ASPM: variants seen among roughly 807,000 people sequenced by gnomAD.
ASPM encodes assembly factor for spindle microtubules, also known as abnormal spindle-like microcephaly-associated protein.
A neutral mutation model predicts 366.4 loss-of-function variants in ASPM; 256 were observed. The ratio of observed to expected loss-of-function variants is 0.70; its 90% CI spans 0.63 to 0.77. The LOEUF (loss-of-function observed/expected upper bound fraction) is 0.77. Ranked by LOEUF, ASPM falls within the 30% of genes least tolerant of loss-of-function variation. The pLI is 0.00. For synonymous variants in ASPM, 1,414 were observed against 1,342.9 expected (o/e 1.05, Z -1.16); for missense variants, 4,146 against 4,090.4 (o/e 1.01, Z -0.37).
At chr1:197,090,801 T>C (rs751806531) in intron 23 of ASPM, 49 bp downstream of exon 23, 39 of 1,532,396 alleles carry the variant, frequency 2.5e-5, no homozygotes, top group Non-Finnish European at 3.3e-5. Flanking sequence ...ATCATGTAGA[T>C]GAATTGCAAA....
intron 17 of ASPM, among the ~76,000 whole-genome samples, chr1:197,110,424 C>T (rs1401794939): frequency 6.6e-6 from 1 of 151,982 alleles, no homozygotes; most frequent in Non-Finnish European, 1.5e-5. Flanking sequence ...ACACAAAATA[C>T]ATCATAGGTC....
Position 197,145,791 on chromosome 1 carries a change from C to T in ASPM, c.297+350G>A, listed in dbSNP as rs190024911. On this transcript the variant is annotated intron_variant, in intron 1 of 27. Transcript: ENST00000367409. ...CTCCTAAAGATGCTAAGTGCGCGCG[C>T]GTTTATGTGTTGTCCCCGCCCAAGT... 2.0e-5 allele frequency among the ~76,000 whole-genome samples: 3 copies of T among 151,642 alleles called. No homozygotes were observed. In the East Asian group the frequency reaches 5.8e-4, roughly 29 times the overall value.
chr1:197,124,173 A>G lies in ASPM; in HGVS notation c.3327T>C (p.Tyr1109=). ...GKRDSGSFEQ[Y]SENIKLLMDW... Reference sequence around the variant, plus strand: ...CCATCAATAACTTTATGTTTTCACTATATTGTTCAAAGGAACCACTATCCC... The same window carrying G: ...CCATCAATAACTTTATGTTTTCACTGTATTGTTCAAAGGAACCACTATCCC... Residue 1109 remains tyrosine (Y), a synonymous_variant, in exon 13 of 28, where the codon TAT becomes TAC. Transcript: ENST00000367409. 2 of 1,612,860 alleles carry G rather than the reference A, an allele frequency of 1.2e-6. No homozygotes were observed. The highest frequency in any genetic ancestry group is 8.5e-7 in the Non-Finnish European group (1 of 1,179,246).
chr1:197,093,982 C>G (rs1348601264), intron 20 of ASPM, 102 bp downstream of exon 20: 1 of 780,566 alleles, frequency 1.3e-6, no homozygotes, highest in Non-Finnish European at 2.0e-6. Flanking sequence ...CACTTTTTTT[C>G]CAGCGAAGGA....
chr1:197,105,045 C>A lies in ASPM; in HGVS notation c.4206G>T (p.Arg1402Ser). ...TTCTTCTTAAATAAGCACGCCAATG[C>A]CTCTGAATTGTAACTGTAGCCCAAA... The part of the protein sequence containing the change: ...RYLWATVTIQ[R>S]HWRAYLRRKQ... The change falls in exon 18 of 28, where the codon AGG (arginine) becomes AGT (serine). Residue 1402 changes from arginine (R) to serine (S), a missense_variant. Physicochemically the swap from Arg to Ser is moderately radical, Grantham distance 110. Around this residue, in one of 3 missense-constraint regions of ASPM, gnomAD observed 3,624 missense variants for 3,591.7 expected, o/e 1.01. Transcript: ENST00000367409. 6.2e-7 allele frequency: 1 copy of A among 1,610,324 alleles called. No homozygotes were observed. Among genetic ancestry groups the A allele is most frequent in the Non-Finnish European group, 8.5e-7 (1 of 1,177,808 alleles).
intron 21 of ASPM, among the ~76,000 whole-genome samples, chr1:197,092,806 A>G (rs1218219687): frequency 2.6e-5 from 4 of 151,914 alleles, no homozygotes; most frequent in East Asian, 3.9e-4. Context: ...GATTCATTAC[A>G]AAAGAGAAAT....
At chr1:197,129,138 A>C in intron 9 of ASPM, 49 bp downstream of exon 9, 1 of 1,585,020 alleles carries the variant, frequency 6.3e-7, no homozygotes. Flanking sequence ...AGCAAGCAAA[A>C]GTCGTAAATG....
At chr1:197,099,490 C>T (rs1657087265) in intron 18 of ASPM, among the ~76,000 whole-genome samples, 2 of 151,576 alleles carry the variant, frequency 1.3e-5, no homozygotes, top group Admixed American at 1.3e-4. Flanking sequence ...TGTAACATTT[C>T]AACTTAAATG....
intron 18 of ASPM, among the ~76,000 whole-genome samples, chr1:197,099,027 C>T (rs1358476345): frequency 6.6e-6 from 1 of 151,580 alleles, no homozygotes. Flanking sequence ...GGGAGTAACT[C>T]TGCTGAGTTA....
At chr1:197,097,610 A>C (rs1205023093) in intron 18 of ASPM, among the ~76,000 whole-genome samples, 1 of 151,738 alleles carries the variant, frequency 6.6e-6, no homozygotes, top group Admixed American at 6.6e-5. Context: ...TTCAGACTAT[A>C]TTGTATACGG....
intron 10 of ASPM, among the ~76,000 whole-genome samples, chr1:197,126,554 A>AATTC (rs1055903652): frequency 2.3e-4 from 35 of 152,098 alleles, no homozygotes; most frequent in African/African-American, 8.5e-4. Context: ...GTATAAAAAC[A>AATTC]ATTCCTATTG....
chr1:197,095,901 T>C (rs1372949353), intron 19 of ASPM, 97 bp downstream of exon 19: 3 of 1,130,310 alleles, frequency 2.7e-6, no homozygotes, highest in Non-Finnish European at 3.8e-6. Context: ...ATAACAAATA[T>C]TTAAAATAAA....
intron 1 of ASPM, 52 bp from the exon 2 acceptor site, chr1:197,144,152 C>A: frequency 7.8e-7 from 1 of 1,289,970 alleles, no homozygotes; most frequent in Non-Finnish European, 1.1e-6. Flanking sequence ...ACATAATAAC[C>A]AAAACACCTT....
rs773349712 is a variant in ASPM, at chr1:197,100,553, T to C, written c.8698A>G (p.Lys2900Glu). 11 of 1,611,740 alleles carry C rather than the reference T, an allele frequency of 6.8e-6. No individual in the cohort carries two copies. Among genetic ancestry groups the C allele is most frequent in the East Asian group, 6.7e-5 (3 of 44,794 alleles). Residue 2900 changes from lysine (K) to glutamate (E), a missense_variant, in exon 18 of 28, where the codon AAA (lysine) becomes GAA (glutamate). This residue lies in a region of ASPM where 3,624 missense variants were observed against 3,591.7 expected (regional missense o/e 1.01). Coordinates refer to ENST00000367409, the MANE Select transcript of ASPM (RefSeq NM_018136.5). ...QNHYRAFLSA[K>E]HQRQVYLQIR... ...TGTAAATAGACTTGTCTTTGATGTT[T>C]TGCAGACAGAAATGCTCTGTAGTGA... is the stretch of plus-strand genomic sequence containing the variant.
Position 197,142,311 on chromosome 1 carries a change from A to AT in ASPM, c.1921+19dup, listed in dbSNP as rs1557964750. On this transcript the variant is annotated intron_variant, in intron 3 of 27. Transcript: ENST00000367409. ...CCCCTTTACAGGTATACTTCAGTAG[A>AT]TTTTATAAACAAGACTCACCAGTTT... 1 of 1,611,260 alleles carries AT rather than the reference A, an allele frequency of 6.2e-7. No homozygotes were observed. Among genetic ancestry groups the AT allele is most frequent in the Non-Finnish European group, 8.5e-7 (1 of 1,177,846 alleles).
intron 17 of ASPM, among the ~76,000 whole-genome samples, chr1:197,111,044 A>G (rs1230888546): frequency 6.6e-6 from 1 of 151,992 alleles, no homozygotes; most frequent in African/African-American, 2.4e-5. Flanking sequence ...AATTTATAAC[A>G]AAGTCCCCAA....
At position 197,104,018 on chromosome 1, in the gene ASPM, G is replaced by A. The variant is rs587783248; in HGVS notation, c.5233C>T (p.Arg1745Ter). The change falls in exon 18 of 28, where the codon CGA becomes TGA. Residue 1745 changes from arginine (R) to a stop codon, truncating the protein, a stop_gained. Coordinates refer to ENST00000367409, the MANE Select transcript of ASPM (RefSeq NM_018136.5). LOFTEE classifies it high-confidence loss of function. ...TTTCTTTGTAACCTCATCTGCTTTC[G>A]GACAAGGTATCCTCTAACAAATGCT... is the stretch of plus-strand genomic sequence containing the variant. ...LQAFVRGYLV[R>*]KQMRLQRKAV... 3.1e-6 allele frequency: 5 copies of A among 1,612,422 alleles called. No homozygotes were observed. Among genetic ancestry groups the A allele is most frequent in the Admixed American group, 1.7e-5 (1 of 59,840 alleles).
intron 25 of ASPM, 85 bp from the exon 26 acceptor site, chr1:197,088,517 T>G: frequency 6.5e-6 from 9 of 1,382,302 alleles, no homozygotes; most frequent in Non-Finnish European, 8.9e-6. Flanking sequence ...AATACAAAAG[T>G]CCATACTTAG....
Position 197,100,969 on chromosome 1 carries a change from A to T in ASPM, c.8282T>A (p.Val2761Glu). ...AATGGCTGCCATCTTTTCCTCTGAT[A>T]CATTTTTCAATTTTTGTCTAACTTT... Reference protein sequence around the residue: ...GMKVRQKLKNVSEEKMAAIVN... With the variant: ...GMKVRQKLKNESEEKMAAIVN... Residue 2761 changes from valine to glutamate, a missense_variant, in exon 18 of 28, where the codon GTA (valine) becomes GAA (glutamate). Transcript: ENST00000367409. 2.5e-6 allele frequency: 4 copies of T among 1,612,606 alleles called. No individual in the cohort carries two copies. The highest frequency in any genetic ancestry group is 3.4e-6 in the Non-Finnish European group (4 of 1,179,136).
Sources: allele counts gnomAD v4.1 joint callset (sites outside exome capture counted in the v4.1 genomes callset), GRCh38; gene constraint gnomAD v4.1.1; regional missense constraint gnomAD v4.1.1; transcripts MANE v1.5; gene names NCBI Gene and HGNC (gene_info 2026-07-23, HGNC 2026-07-21).